Variants in PCDHGB4 observed in about 807,000 individuals in gnomAD.
PCDHGB4 encodes the protein protocadherin gamma-B4.
A neutral mutation model predicts 60.5 loss-of-function variants in PCDHGB4; 38 were observed. That is an observed-to-expected ratio of 0.63 (90% confidence interval 0.48 to 0.82). The LOEUF is 0.82. Among genes scored for constraint, PCDHGB4 ranks in the 40% least tolerant of loss-of-function variants. The pLI, the probability that PCDHGB4 is intolerant of heterozygous loss-of-function variation, is 0.00. For synonymous variants in PCDHGB4, 456 were observed against 509.7 expected (o/e 0.89, Z 1.42); for missense variants, 1,109 against 1,209.6 (o/e 0.92, Z 1.23).
intron 1 of PCDHGB4, among the ~76,000 whole-genome samples, chr5:141,451,062 T>C (rs1292296274): frequency 1.3e-5 from 2 of 151,500 alleles, no homozygotes; most frequent in Non-Finnish European, 2.9e-5. Flanking sequence ...ACTCCTGACC[T>C]TGTGATCCAC....
At chr5:141,425,447 A>G (rs549575207) in intron 1 of PCDHGB4, among the ~76,000 whole-genome samples, 5 of 152,318 alleles carry the variant, frequency 3.3e-5, no homozygotes, top group African/African-American at 1.2e-4. Flanking sequence ...AAAATAAAAC[A>G]CCATCACATT....
At chr5:141,409,021 C>T in intron 1 of PCDHGB4, 4 of 1,613,972 alleles carry the variant, frequency 2.5e-6, no homozygotes, top group Non-Finnish European at 3.4e-6. Context: ...ATGAGGGGGT[C>T]AATGCTGAGA....
At chr5:141,441,718 C>A in intron 1 of PCDHGB4, 1 of 344,940 alleles carries the variant, frequency 2.9e-6, no homozygotes, top group Non-Finnish European at 5.7e-6. Flanking sequence ...ACGCTGCAGG[C>A]CCGCGACCAG....
At chr5:141,492,163 C>G (rs921256341) in intron 1 of PCDHGB4, among the ~76,000 whole-genome samples, 3 of 152,232 alleles carry the variant, frequency 2.0e-5, no homozygotes, top group Admixed American at 6.5e-5. Flanking sequence ...CCTCCCTATC[C>G]CCGCATCACC....
chr5:141,403,595 T>G (rs2094430008), intron 1 of PCDHGB4: 1 of 1,613,824 alleles, frequency 6.2e-7, no homozygotes, highest in East Asian at 2.2e-5. Flanking sequence ...CCTCACGGCC[T>G]CGGATGGCGG....
chr5:141,389,564 G>A lies in PCDHGB4; in HGVS notation c.1680G>A (p.Val560=). 6.2e-7 allele frequency: 1 copy of A among 1,613,244 alleles called. No individual in the cohort carries two copies. Among genetic ancestry groups the A allele is most frequent in the East Asian group, 2.2e-5 (1 of 44,874 alleles). ...ACCGCAACGACAATGCGCCACGGGT[G>A]CTGTACCCCGCGCTGGGTCCCGACG... ...VDDRNDNAPR[V]LYPALGPDGS... is the part of the protein sequence containing the mutation. Residue 560 remains valine, a synonymous_variant, in exon 1 of 4, where the codon GTG becomes GTA. Transcript: ENST00000519479.
intron 1 of PCDHGB4, chr5:141,408,164 A>G (rs2095051548): frequency 6.6e-7 from 1 of 1,520,576 alleles, no homozygotes; most frequent in South Asian, 1.3e-5. Context: ...ACTTTCTCCA[A>G]CTGGAAAAGC....
At chr5:141,398,328 C>G in intron 1 of PCDHGB4, 7 of 1,353,010 alleles carry the variant, frequency 5.2e-6, no homozygotes, top group Non-Finnish European at 7.2e-6. Context: ...GAAAACTGCG[C>G]GTCAGTTCGG....
intron 1 of PCDHGB4, among the ~76,000 whole-genome samples, chr5:141,458,445 T>G (rs180720013): frequency 6.6e-6 from 1 of 151,738 alleles, no homozygotes; most frequent in East Asian, 1.9e-4. Flanking sequence ...TCCCCCACAT[T>G]AACAATTTTT....
intron 1 of PCDHGB4, chr5:141,399,759 G>A: frequency 1.2e-6 from 2 of 1,613,348 alleles, no homozygotes; most frequent in Non-Finnish European, 1.7e-6. Flanking sequence ...ACGTGAGCCT[G>A]CGCGTGTTGG....
rs774505854 is a variant in PCDHGB4 at position 141,490,507 on chromosome 5, G to A, written c.2398-4300G>A. The A allele has an allele frequency of 5.6e-6, 9 of 1,613,898 alleles. No individual in the cohort carries two copies. The highest frequency in any genetic ancestry group is 4.0e-5 in the African/African-American group (3 of 74,868). ...GGAGGCCACATCCCACTATATCATC[G>A]AGCTGCTGGCCAGCGATGCTGGTTC... On this transcript the variant is annotated intron_variant, in intron 1 of 3. Transcript: ENST00000519479. This position sits in a 1 kb window ranked among gnomAD's most constrained non-coding sequence, Gnocchi z 5.4.
rs769717528 is a variant in PCDHGB4, at chr5:141,390,239, C to G, written c.2355C>G (p.Ala785=). ...TACTTTGCGGTGATTCATCTGGGGCCTTATTTCCACTTTGTAATTCCAGTG... is the reference window on the plus strand; with the variant it reads ...TACTTTGCGGTGATTCATCTGGGGCGTTATTTCCACTTTGTAATTCCAGTG... ...QDILCGDSSG[A]LFPLCNSSEL... is the part of the protein sequence containing the mutation. Residue 785 remains alanine (A), a synonymous_variant, in exon 1 of 4, where the codon GCC becomes GCG. Coordinates refer to ENST00000519479, the MANE Select transcript of PCDHGB4 (RefSeq NM_003736.4). 32 of 1,613,904 alleles carry G rather than the reference C, an allele frequency of 2.0e-5. No homozygotes were observed. In the Admixed American group the frequency reaches 5.3e-4, roughly 27 times the overall value.
At chr5:141,455,020 G>A (rs201196115) in intron 1 of PCDHGB4, among the ~76,000 whole-genome samples, 1 of 151,166 alleles carries the variant, frequency 6.6e-6, no homozygotes, top group African/African-American at 2.4e-5. Context: ...CACCGTGTTA[G>A]CCAGGATGGT....
intron 1 of PCDHGB4, chr5:141,418,737 C>G (rs768683069): frequency 6.2e-7 from 1 of 1,613,842 alleles, no homozygotes; most frequent in African/African-American, 1.3e-5. Context: ...CACGTGTTCT[C>G]TCTGGATTAC....
In PCDHGB4 at chr5:141,419,577, C is replaced by A. The variant is rs1182305164; in HGVS notation, c.2397+29296C>A. ...CCTGCGCTGGGTCCCGACGGCTCCG[C>A]GCTCTTCGACACAGTGCCGCGGGCC... On this transcript the variant is annotated intron_variant, in intron 1 of 3. Coordinates refer to ENST00000519479, the MANE Select transcript of PCDHGB4 (RefSeq NM_003736.4). 3.1e-6 allele frequency: 5 copies of A among 1,611,732 alleles called. No individual in the cohort carries two copies. The South Asian group carries it at 5.5e-5, about 18-fold the overall frequency.
At position 141,432,325 on chromosome 5, in the gene PCDHGB4, C is replaced by A; in HGVS notation, c.2397+42044C>A. 6.2e-7 allele frequency: 1 copy of A among 1,614,260 alleles called. No individual in the cohort carries two copies. The highest frequency in any genetic ancestry group is 1.1e-5 in the South Asian group (1 of 91,092). On this transcript the variant is annotated intron_variant, in intron 1 of 3. Transcript: ENST00000519479. The surrounding 1 kb of genome is among the most constrained non-coding windows in gnomAD (Gnocchi z 6.0). The stretch of plus-strand genomic sequence containing the variant: ...TGTATGCGCTGAGCTCCTTCGACTA[C>A]GAGCAGTTCCGAGACTTGCAAGTGA...
intron 1 of PCDHGB4, chr5:141,392,856 CT>C: frequency 1.9e-6 from 3 of 1,612,366 alleles, no homozygotes; most frequent in Non-Finnish European, 2.5e-6. Flanking sequence ...CGAGCTGATC[CT>C]GCTGTGCGCG....
At chr5:141,422,292 T>C in intron 1 of PCDHGB4, 1 of 1,552,434 alleles carries the variant, frequency 6.4e-7, no homozygotes. Context: ...CTTCTATTAA[T>C]TCAATTCTGG....
intron 2 of PCDHGB4, among the ~76,000 whole-genome samples, chr5:141,503,977 CCTT>C (rs1012021012): frequency 1.3e-5 from 2 of 152,250 alleles, no homozygotes; most frequent in Admixed American, 1.3e-4. Flanking sequence ...GGTGCCAAAC[CCTT>C]CTTCTTACCT....
Sources: gnomAD v4.1 joint callset for allele counts (sites outside exome capture counted in the v4.1 genomes callset) on GRCh38, gnomAD v4.1.1 for gene constraint, Gnocchi (gnomAD v3.1) non-coding constraint, MANE v1.5 for transcripts, NCBI Gene and HGNC (gene_info 2026-07-23, HGNC 2026-07-21) for gene names.